The following PHF14 variants were observed in gnomAD, a reference collection of about 807,000 sequenced individuals.
PHF14 encodes the protein PHD finger protein 14.
Under a neutral mutation model 117.9 loss-of-function variants are expected in PHF14, and 55 were observed. The observed-to-expected ratio is 0.47, with a 90% confidence interval of 0.38 to 0.58. The LOEUF (loss-of-function observed/expected upper bound fraction) is 0.58. PHF14 is among the 20% of genes least tolerant of loss of function. The probability of loss-of-function intolerance (pLI) is 0.00; values close to 1 mark genes in which losing one functional copy is unlikely to be tolerated. For missense variants in PHF14, 978 were observed against 1,122.2 expected, an observed-to-expected ratio of 0.87 and a Z score of 1.84; for synonymous variants, 409 against 368.6, an observed-to-expected ratio of 1.11 and a Z score of -1.26.
intron 4 of PHF14, among the ~76,000 whole-genome samples, chr7:10,994,833 T>A (rs574211195): frequency 6.6e-6 from 1 of 152,150 alleles, no homozygotes; most frequent in African/African-American, 2.4e-5. Context: ...AGGCAGCGCG[T>A]ACCCGAAGAG....
chr7:11,010,002 C>A (rs998641365), intron 4 of PHF14, among the ~76,000 whole-genome samples: 7 of 152,098 alleles, frequency 4.6e-5, no homozygotes, highest in Non-Finnish European at 8.8e-5. Flanking sequence ...AAGTGAACTG[C>A]TGTGATTTAC....
chr7:11,041,715 G>A (rs1043570818), intron 12 of PHF14, among the ~76,000 whole-genome samples: 8 of 151,772 alleles, frequency 5.3e-5, no homozygotes, highest in Non-Finnish European at 7.4e-5. Context: ...AACACGGTTG[G>A]TTCATTTGGA....
intron 17 of PHF14, among the ~76,000 whole-genome samples, chr7:11,142,523 G>A (rs773855852): frequency 3.9e-5 from 6 of 151,924 alleles, no homozygotes; most frequent in Non-Finnish European, 7.4e-5. Flanking sequence ...CATTTCAGCC[G>A]CAAGCTTATA....
chr7:10,994,703 C>T lies in PHF14; in HGVS notation c.1045+3856C>T, dbSNP rs190673270. On this transcript the variant is annotated intron_variant, in intron 4 of 17. Transcript: ENST00000634607. Reference sequence around the variant, plus strand: ...TAACAGTTTTTAAAGGCGGCGTGTCCGGAGTTTGCTCCTTCTGATGTTCGG... The same window carrying T: ...TAACAGTTTTTAAAGGCGGCGTGTCTGGAGTTTGCTCCTTCTGATGTTCGG... 5.2e-3 allele frequency among the ~76,000 whole-genome samples: 797 copies of T among 152,106 alleles called. 2 individuals carry two copies. Among genetic ancestry groups the T allele is most frequent in the Admixed American group, 0.012 (181 of 15,282 alleles).
At chr7:11,060,308 T>C (rs570455831) in intron 14 of PHF14, among the ~76,000 whole-genome samples, 3 of 152,268 alleles carry the variant, frequency 2.0e-5, no homozygotes, top group African/African-American at 2.4e-5. Context: ...TTAAGTTTAA[T>C]TGGGTGTAGA....
At chr7:11,035,515 A>C (rs1052083714) in intron 7 of PHF14, 125 bp from the exon 8 acceptor site, 1 of 506,658 alleles carries the variant, frequency 2.0e-6, no homozygotes, top group Non-Finnish European at 3.2e-6. Context: ...TTATTTTTGT[A>C]ATTTATTAGA....
chr7:11,042,672 T>C lies in PHF14; in HGVS notation c.2181-11T>C. ...ATTATTGAAATCTTTACTTGCTGCC[T>C]TTATTAAAAGTTGTGGGATTTGTAA... On this transcript the variant is annotated splice_polypyrimidine_tract_variant and intron_variant, in intron 12 of 17. Coordinates refer to ENST00000634607, the MANE Select transcript of PHF14 (RefSeq NM_001007157.2). 1 of 1,551,468 alleles carries C rather than the reference T, an allele frequency of 6.4e-7. No individual in the cohort carries two copies. The highest frequency in any genetic ancestry group is 8.7e-7 in the Non-Finnish European group (1 of 1,145,572).
chr7:11,092,849 T>C (rs1786695261), intron 16 of PHF14, among the ~76,000 whole-genome samples: 1 of 152,186 alleles, frequency 6.6e-6, no homozygotes, highest in South Asian at 2.1e-4. Context: ...CAGGTGCTGA[T>C]AAACTCAGAA....
At chr7:11,085,409 C>G (rs1216349879) in intron 16 of PHF14, among the ~76,000 whole-genome samples, 1 of 152,116 alleles carries the variant, frequency 6.6e-6, no homozygotes, top group Non-Finnish European at 1.5e-5. Context: ...TTGAAGCTAT[C>G]ATTGATGTAA....
chr7:11,048,249 G>A (rs1784741386), intron 13 of PHF14, among the ~76,000 whole-genome samples: 1 of 152,040 alleles, frequency 6.6e-6, no homozygotes, highest in African/African-American at 2.4e-5. Context: ...TTTGACTTTA[G>A]GAAAGATAAT....
At chr7:11,043,754 A>G (rs192360353) in intron 13 of PHF14, among the ~76,000 whole-genome samples, 1 of 152,208 alleles carries the variant, frequency 6.6e-6, no homozygotes, top group South Asian at 2.1e-4. Context: ...TGTATTTATT[A>G]TGGTTTTTAT....
chr7:11,013,639 T>C, intron 4 of PHF14, 108 bp from the exon 5 acceptor site: 2 of 563,530 alleles, frequency 3.5e-6, no homozygotes, highest in Non-Finnish European at 6.2e-6. Flanking sequence ...AAACCATTGG[T>C]GTTTCATATC....
At chr7:11,117,313 C>G (rs988259414) in intron 17 of PHF14, among the ~76,000 whole-genome samples, 1 of 151,736 alleles carries the variant, frequency 6.6e-6, no homozygotes. Context: ...CTATTTGGTT[C>G]AGTCTTATTT....
At chr7:11,143,185 G>A (rs1271314565) in intron 17 of PHF14, among the ~76,000 whole-genome samples, 2 of 152,084 alleles carry the variant, frequency 1.3e-5, no homozygotes, top group African/African-American at 4.8e-5. Context: ...ACTAAAATGT[G>A]TACCTAAATA....
At chr7:11,030,336 C>G (rs1240888245) in intron 7 of PHF14, among the ~76,000 whole-genome samples, 1 of 152,072 alleles carries the variant, frequency 6.6e-6, no homozygotes, top group East Asian at 1.9e-4. Flanking sequence ...TTGTCTACTT[C>G]TGGAAAACTT....
intron 16 of PHF14, chr7:11,107,059 CTTAA>C (rs1787292770): frequency 1.0e-6 from 1 of 983,016 alleles, no homozygotes; most frequent in Admixed American, 6.2e-5. Context: ...AGGAGGTGCA[CTTAA>C]TTGTTTCAGT....
intron 16 of PHF14, among the ~76,000 whole-genome samples, chr7:11,092,821 A>G (rs902380179): frequency 6.6e-6 from 1 of 152,184 alleles, no homozygotes; most frequent in Non-Finnish European, 1.5e-5. Context: ...CCAAAATGGT[A>G]TTATAAAATG....
At chr7:11,117,702 C>A (rs972588934) in intron 17 of PHF14, among the ~76,000 whole-genome samples, 1 of 149,180 alleles carries the variant, frequency 6.7e-6, no homozygotes, top group African/African-American at 2.5e-5. Context: ...GGAACAATCT[C>A]TTCAGGAGTA....
rs151014735 is a variant in PHF14 at position 11,142,625 on chromosome 7, A to G, written c.2773-26791A>G. On this transcript the variant is annotated intron_variant, in intron 17 of 17. Transcript: ENST00000634607. ...TATTTTATTAAAAATGCTTGTGACA[A>G]CTTTAACCTATCATCATCATAAACT... 3.2e-4 allele frequency among the ~76,000 whole-genome samples: 48 copies of G among 152,220 alleles called. 1 individual carries two copies. In the East Asian group the frequency reaches 9.1e-3, roughly 29 times the overall value.
Sources: gnomAD v4.1 joint callset for allele counts (sites outside exome capture counted in the v4.1 genomes callset) on GRCh38, gnomAD v4.1.1 for gene constraint, MANE v1.5 for transcripts, NCBI Gene and HGNC (gene_info 2026-07-23, HGNC 2026-07-21) for gene names.